Variants in PELI2 observed in about 807,000 individuals in gnomAD.
PELI2 encodes E3 ubiquitin-protein ligase pellino homolog 2.
Under a neutral mutation model 42.3 loss-of-function variants are expected in PELI2, and 23 were observed. The observed-to-expected ratio is 0.54, with a 90% CI of 0.39 to 0.77. The LOEUF (loss-of-function observed/expected upper bound fraction) is 0.77, where lower values mean the gene tolerates loss of function less well. Ranked by LOEUF, PELI2 falls within the 30% of genes least tolerant of loss-of-function variation. The pLI is 0.00. For synonymous variants in PELI2, 245 were observed against 212.2 expected (o/e 1.15, Z -1.34); for missense variants, 463 against 553.2 (o/e 0.84, Z 1.64).
In PELI2 at chr14:56,153,343, C is replaced by G. The variant is rs373744469; in HGVS notation, c.78-24992C>G. ...TCTATCTCTGAGTTGCCTGTGGTTC[C>G]TGCTCTTAATTGTCATTAGAGTCAA... On this transcript the variant is annotated intron_variant, in intron 1 of 5. Coordinates refer to ENST00000267460, the MANE Select transcript of PELI2 (RefSeq NM_021255.3). 1.6e-4 allele frequency among the ~76,000 whole-genome samples: 25 copies of G among 152,226 alleles called. No individual in the cohort carries two copies. In the East Asian group the frequency reaches 4.8e-3, roughly 29 times the overall value.
At chr14:56,178,674 C>T (rs939456795) in intron 2 of PELI2, among the ~76,000 whole-genome samples, 3 of 152,184 alleles carry the variant, frequency 2.0e-5, no homozygotes, top group Non-Finnish European at 4.4e-5. Context: ...GTGCCAGTAG[C>T]ACCCCCGCAT....
intron 2 of PELI2, among the ~76,000 whole-genome samples, chr14:56,185,768 C>G (rs1238995594): frequency 6.6e-6 from 1 of 151,866 alleles, no homozygotes; most frequent in East Asian, 1.9e-4. Context: ...TTTTCAAGGA[C>G]CAACAACTAA....
chr14:56,182,323 G>C (rs1885616851), intron 2 of PELI2, among the ~76,000 whole-genome samples: 1 of 152,198 alleles, frequency 6.6e-6, no homozygotes, highest in South Asian at 2.1e-4. Flanking sequence ...GACATGATGT[G>C]ACTGAGAAAT....
intron 2 of PELI2, among the ~76,000 whole-genome samples, chr14:56,271,950 A>G (rs1889121065): frequency 6.6e-6 from 1 of 152,222 alleles, no homozygotes; most frequent in Non-Finnish European, 1.5e-5. Context: ...TGCAGTGGGC[A>G]GCCTCAGAGA....
intron 2 of PELI2, among the ~76,000 whole-genome samples, chr14:56,230,310 A>G (rs1390399563): frequency 2.0e-5 from 3 of 152,186 alleles, no homozygotes; most frequent in Non-Finnish European, 4.4e-5. Flanking sequence ...AGATTCACCA[A>G]AGTTGAAATG....
intron 2 of PELI2, among the ~76,000 whole-genome samples, chr14:56,258,734 A>G (rs1888608444): frequency 6.6e-6 from 1 of 152,158 alleles, no homozygotes; most frequent in South Asian, 2.1e-4. Flanking sequence ...TTGTGGGTAT[A>G]TATCAGGTGG....
intron 1 of PELI2, among the ~76,000 whole-genome samples, chr14:56,176,603 C>CA (rs371405782): frequency 2.6e-5 from 4 of 152,304 alleles, no homozygotes; most frequent in African/African-American, 9.6e-5. Context: ...GATGGGCACT[C>CA]AGATGTTCCT....
chr14:56,297,307 G>A lies in PELI2; in HGVS notation c.*141G>A. 1 of 628,906 alleles carries A rather than the reference G, an allele frequency of 1.6e-6. No individual in the cohort carries two copies. The highest frequency in any genetic ancestry group is 2.8e-6 in the Non-Finnish European group (1 of 357,282). The allele number at this position is 628,906 out of a possible 1,614,324, so 39.0% of individuals were successfully genotyped here. ...AAATAAAGAGAGGGGACATGGTGATGAAACATGGCAGGAGTGTAACAGATA... is the reference window on the plus strand; with the variant it reads ...AAATAAAGAGAGGGGACATGGTGATAAAACATGGCAGGAGTGTAACAGATA... On this transcript the variant is annotated 3_prime_UTR_variant, in exon 6 of 6. Coordinates refer to ENST00000267460, the MANE Select transcript of PELI2 (RefSeq NM_021255.3).
At chr14:56,295,974 T>C (rs1437204362) in intron 5 of PELI2, among the ~76,000 whole-genome samples, 1 of 152,274 alleles carries the variant, frequency 6.6e-6, no homozygotes, top group Non-Finnish European at 1.5e-5. Flanking sequence ...TGACCACGCC[T>C]AGCTGCTGCT....
chr14:56,177,363 G>A (rs1412297246), intron 1 of PELI2, among the ~76,000 whole-genome samples: 6 of 152,220 alleles, frequency 3.9e-5, no homozygotes, highest in Non-Finnish European at 8.8e-5. Flanking sequence ...CAGGCCTGCT[G>A]TCTCCTAACC....
intron 2 of PELI2, among the ~76,000 whole-genome samples, chr14:56,239,367 C>G (rs866009267): frequency 6.6e-6 from 1 of 152,148 alleles, no homozygotes; most frequent in African/African-American, 2.4e-5. Context: ...CCTGGACTTT[C>G]CAAGAGAATG....
At chr14:56,267,547 A>G (rs1888951080) in intron 2 of PELI2, among the ~76,000 whole-genome samples, 1 of 152,188 alleles carries the variant, frequency 6.6e-6, no homozygotes, top group Non-Finnish European at 1.5e-5. Context: ...GTATATTAAG[A>G]TTGTAATCTG....
At chr14:56,124,626 A>T (rs900568239) in intron 1 of PELI2, among the ~76,000 whole-genome samples, 2 of 152,198 alleles carry the variant, frequency 1.3e-5, no homozygotes, top group Non-Finnish European at 2.9e-5. Context: ...GCACTAAGGG[A>T]TACGCAGATG....
In PELI2 at chr14:56,268,273, T is replaced by C. The variant is rs540971186; in HGVS notation, c.208-11403T>C. On this transcript the variant is annotated intron_variant, in intron 2 of 5. Transcript: ENST00000267460. ...TTTATTTTTACTTATGATTCATTTT[T>C]GTTAGGTTTACTTGTTCAAAGTTTT... Among the ~76,000 whole-genome samples the C allele has an allele frequency of 3.6e-4, 55 of 152,344 alleles. 2 individuals carry two copies. The South Asian group carries it at 0.011, about 30-fold the overall frequency.
At chr14:56,161,506 C>T (rs1448187670) in intron 1 of PELI2, among the ~76,000 whole-genome samples, 1 of 152,116 alleles carries the variant, frequency 6.6e-6, no homozygotes, top group Non-Finnish European at 1.5e-5. Flanking sequence ...ATCTCTTGAC[C>T]TCGCGATCCA....
chr14:56,129,775 A>G (rs76917836), intron 1 of PELI2, among the ~76,000 whole-genome samples: 3,256 of 152,244 alleles, frequency 0.021, 121 homozygotes, highest in African/African-American at 0.075. Flanking sequence ...TATGGCAGCA[A>G]TAGTGTGGAG....
At chr14:56,202,274 TA>T (rs146883724) in intron 2 of PELI2, among the ~76,000 whole-genome samples, 1 of 152,314 alleles carries the variant, frequency 6.6e-6, no homozygotes, top group South Asian at 2.1e-4. Flanking sequence ...ACCCCTTTAG[TA>T]AAAAAATACT....
At chr14:56,167,875 T>C (rs1470348994) in intron 1 of PELI2, among the ~76,000 whole-genome samples, 1 of 152,208 alleles carries the variant, frequency 6.6e-6, no homozygotes, top group Non-Finnish European at 1.5e-5. Flanking sequence ...CTATATCGGC[T>C]TTAGGGGGCA....
At chr14:56,156,104 T>A (rs1884557275) in intron 1 of PELI2, among the ~76,000 whole-genome samples, 1 of 152,238 alleles carries the variant, frequency 6.6e-6, no homozygotes, top group Admixed American at 6.5e-5. Flanking sequence ...AAATAAATAT[T>A]GTTTTATTCT....
Sources: gnomAD v4.1 joint callset for allele counts (sites outside exome capture counted in the v4.1 genomes callset) on GRCh38, gnomAD v4.1.1 for gene constraint, MANE v1.5 for transcripts, NCBI Gene and HGNC (gene_info 2026-07-23, HGNC 2026-07-21) for gene names.